Variants in INSL6 observed in about 807,000 individuals in gnomAD.
The protein encoded by INSL6 is insulin-like peptide INSL6.
In INSL6, 16 loss-of-function variants were observed where a neutral mutation model predicts 9.4. The ratio of observed to expected loss-of-function variants is 1.70; its 90% confidence interval spans 1.15 to 2.59. The LOEUF (loss-of-function observed/expected upper bound fraction) is 2.59. Among genes scored for constraint, INSL6 ranks in the 30% most tolerant of loss-of-function variants. The probability of loss-of-function intolerance (pLI) is 0.00; values close to 1 mark genes in which losing one functional copy is unlikely to be tolerated. For synonymous variants in INSL6, 154 were observed against 96.9 expected (o/e 1.59, Z -3.46); for missense variants, 391 against 257.3 (o/e 1.52, Z -3.56).
chr9:5,171,748 C>G (rs1014911713), intron 1 of INSL6, among the ~76,000 whole-genome samples: 2 of 152,016 alleles, frequency 1.3e-5, no homozygotes, highest in Non-Finnish European at 2.9e-5. Flanking sequence ...ACAATTGCTA[C>G]AAAGAGAATA....
the INSL6 span, among the ~76,000 whole-genome samples, chr9:5,067,901 A>C: frequency 6.6e-6 from 1 of 152,200 alleles, no homozygotes; most frequent in South Asian, 2.1e-4. Context: ...CACCTGTAAT[A>C]CCAGCACTTT....
downstream of INSL6, among the ~76,000 whole-genome samples, chr9:5,122,167 A>G (rs756561071): frequency 2.0e-5 from 3 of 152,120 alleles, no homozygotes; most frequent in South Asian, 2.1e-4. Flanking sequence ...GATTAAATCT[A>G]TGTAATTCAC....
chr9:5,069,172 T>A, the INSL6 span: 4 of 1,609,550 alleles, frequency 2.5e-6, no homozygotes, highest in African/African-American at 5.4e-5. Flanking sequence ...CAATATAATT[T>A]TCCAGTTTAC....
At chr9:5,167,384 G>A (rs1356278043) in intron 1 of INSL6, among the ~76,000 whole-genome samples, 7 of 152,212 alleles carry the variant, frequency 4.6e-5, no homozygotes, top group African/African-American at 1.7e-4. Context: ...TTCCTGGGGG[G>A]AAGAGGCAGC....
intron 2 of INSL6, among the ~76,000 whole-genome samples, chr9:5,150,413 C>A (rs1824686872): frequency 6.6e-6 from 1 of 152,040 alleles, no homozygotes; most frequent in Admixed American, 6.6e-5. Flanking sequence ...AACAAATAAT[C>A]CCATTAAAAA....
intron 3 of INSL6, chr9:5,127,017 G>C: frequency 3.2e-6 from 1 of 308,748 alleles, no homozygotes; most frequent in Non-Finnish European, 6.0e-6. Flanking sequence ...GATTTTGTAA[G>C]AAGTTTCTTA....
At chr9:5,160,350 A>G (rs1200836300), downstream of INSL6, among the ~76,000 whole-genome samples, 1 of 152,152 alleles carries the variant, frequency 6.6e-6, no homozygotes, top group Non-Finnish European at 1.5e-5. Flanking sequence ...CTGAATGACC[A>G]GTGGTCAACG....
chr9:5,085,404 G>C, the INSL6 span: 1 of 802,872 alleles, frequency 1.2e-6, no homozygotes, highest in Non-Finnish European at 2.2e-6. Flanking sequence ...CTAGAACAGA[G>C]ACTGCTTTAC....
chr9:5,029,590 G>A, the INSL6 span, among the ~76,000 whole-genome samples: 1 of 152,028 alleles, frequency 6.6e-6, no homozygotes, highest in African/African-American at 2.4e-5. Context: ...CTAAAATGAA[G>A]TATGTTTGTA....
At chr9:5,172,531 G>A (rs148752078) in intron 1 of INSL6, among the ~76,000 whole-genome samples, 13 of 152,304 alleles carry the variant, frequency 8.5e-5, no homozygotes, top group African/African-American at 1.9e-4. Context: ...ACAACCTACA[G>A]AGTGGGAGGA....
At chr9:4,995,395 A>G in the INSL6 span, among the ~76,000 whole-genome samples, 1 of 152,170 alleles carries the variant, frequency 6.6e-6, no homozygotes, top group African/African-American at 2.4e-5. Context: ...TTATATTTTG[A>G]GATTCTCCCT....
intron 1 of INSL6, among the ~76,000 whole-genome samples, chr9:5,172,019 A>T (rs975594581): frequency 6.6e-6 from 1 of 152,208 alleles, no homozygotes; most frequent in Non-Finnish European, 1.5e-5. Context: ...GAGCTCAAAC[A>T]GCCAAGACAA....
At chr9:5,002,890 C>T in the INSL6 span, among the ~76,000 whole-genome samples, 2 of 151,886 alleles carry the variant, frequency 1.3e-5, no homozygotes, top group African/African-American at 4.8e-5. Flanking sequence ...TGTTTTCCAT[C>T]TTAAATTAAT....
chr9:5,011,329 G>A, the INSL6 span, among the ~76,000 whole-genome samples: 1 of 152,036 alleles, frequency 6.6e-6, no homozygotes, highest in Admixed American at 6.6e-5. Context: ...GGGACTACGG[G>A]CACAGAGCAC....
At chr9:5,177,597 A>C (rs1825340391) in intron 1 of INSL6, among the ~76,000 whole-genome samples, 3 of 152,258 alleles carry the variant, frequency 2.0e-5, no homozygotes, top group Non-Finnish European at 2.9e-5. Context: ...AAGGGGGCTG[A>C]ATCCAGGGAG....
chr9:5,177,007 G>C (rs1160281586), intron 1 of INSL6, among the ~76,000 whole-genome samples: 3 of 152,114 alleles, frequency 2.0e-5, no homozygotes, highest in African/African-American at 7.2e-5. Flanking sequence ...AAAATCATAA[G>C]AATAGAATAT....
chr9:5,161,576 G>A (rs764868257), downstream of INSL6, among the ~76,000 whole-genome samples: 3 of 152,136 alleles, frequency 2.0e-5, no homozygotes, highest in South Asian at 6.2e-4. Context: ...AGTACTGGAG[G>A]TCCAAGCTAG....
At chr9:5,023,252 G>T in the INSL6 span, among the ~76,000 whole-genome samples, 1 of 152,128 alleles carries the variant, frequency 6.6e-6, no homozygotes, top group South Asian at 2.1e-4. Flanking sequence ...ATGAGAACTT[G>T]TTATATTTGT....
the INSL6 span, among the ~76,000 whole-genome samples, chr9:5,009,004 T>C: frequency 6.6e-6 from 1 of 152,224 alleles, no homozygotes; most frequent in Non-Finnish European, 1.5e-5. Context: ...AGTCGTATTA[T>C]TCAACTCTTT....
Sources: gnomAD v4.1 joint callset for allele counts (sites outside exome capture counted in the v4.1 genomes callset) on GRCh38, gnomAD v4.1.1 for gene constraint, MANE v1.5 for transcripts, NCBI Gene and HGNC (gene_info 2026-07-23, HGNC 2026-07-21) for gene names.